The following NLRP12 variants were observed in gnomAD, a reference collection of about 807,000 sequenced individuals.
NLRP12 encodes the protein NACHT, LRR and PYD domains-containing protein 12.
NLRP12 carries 108 observed loss-of-function variants against 91.2 expected under a neutral mutation model. That is an observed-to-expected ratio of 1.18 (90% CI 1.01 to 1.39). The LOEUF is 1.39. NLRP12 is among the 40% of genes most tolerant of loss of function. The pLI is 0.00. For missense variants in NLRP12, 1,530 were observed against 1,352.7 expected, an observed-to-expected ratio of 1.13 and a Z score of -2.06; for synonymous variants, 613 against 566.7, an observed-to-expected ratio of 1.08 and a Z score of -1.16.
At chr19:53,820,472 C>G (rs1324373442) in intron 1 of NLRP12, among the ~76,000 whole-genome samples, 3 of 151,440 alleles carry the variant, frequency 2.0e-5, no homozygotes, top group Non-Finnish European at 4.4e-5. Flanking sequence ...GGAGCTTGCA[C>G]TGAGCCAAGA....
In NLRP12 at chr19:53,824,035, C is replaced by A; in HGVS notation, c.140G>T (p.Ser47Ile). Reference sequence around the variant, plus strand: ...TTCCAGGGGACCGGCCTTCTCCATGCTTCCCCAGGGGATCTTGCCTTCTCC... The same window carrying A: ...TTCCAGGGGACCGGCCTTCTCCATGATTCCCCAGGGGATCTTGCCTTCTCC... ...ELGEGKIPWGSMEKAGPLEMA... is the reference protein window; with the variant it reads ...ELGEGKIPWGIMEKAGPLEMA... The change falls in exon 1 of 10, where the codon AGC becomes ATC. Residue 47 changes from serine (S) to isoleucine (I), a missense_variant. By Grantham distance (142) the Ser-to-Ile change is moderately radical. Coordinates refer to ENST00000324134, the MANE Select transcript of NLRP12 (RefSeq NM_144687.4). The A allele has an allele frequency of 6.2e-7, 1 of 1,614,200 alleles. No homozygotes were observed. The highest frequency in any genetic ancestry group is 8.5e-7 in the Non-Finnish European group (1 of 1,180,036).
intron 4 of NLRP12, chr19:53,805,665 G>A (rs1242670970): frequency 8.3e-6 from 5 of 605,206 alleles, no homozygotes; most frequent in African/African-American, 1.8e-5. Flanking sequence ...TTACAGACGT[G>A]TGCCACCATG....
intron 4 of NLRP12, among the ~76,000 whole-genome samples, chr19:53,805,997 G>T (rs180689199): frequency 1.8e-4 from 28 of 152,010 alleles, no homozygotes; most frequent in Non-Finnish European, 3.1e-4. Flanking sequence ...ACTTTGGGAG[G>T]CCGAGGTGGG....
intron 1 of NLRP12, among the ~76,000 whole-genome samples, chr19:53,822,099 G>A (rs62143205): frequency 0.078 from 11,897 of 152,116 alleles, 597 homozygotes; most frequent in South Asian, 0.15. Context: ...CTGGGGACTC[G>A]TGGCGGGGAG....
At chr19:53,816,238 C>T (rs753388000) in intron 1 of NLRP12, among the ~76,000 whole-genome samples, 2 of 152,056 alleles carry the variant, frequency 1.3e-5, no homozygotes, top group East Asian at 1.9e-4. Context: ...GCTGAGCCAG[C>T]GGCACCCCAT....
At chr19:53,815,863 G>A (rs1176449190) in intron 1 of NLRP12, among the ~76,000 whole-genome samples, 2 of 151,986 alleles carry the variant, frequency 1.3e-5, no homozygotes, top group African/African-American at 2.4e-5. Flanking sequence ...ACCCAACTCG[G>A]CCTCCCAAAG....
intron 9 of NLRP12, among the ~76,000 whole-genome samples, chr19:53,795,011 C>G (rs1045313046): frequency 3.3e-5 from 5 of 151,878 alleles, no homozygotes; most frequent in Non-Finnish European, 5.9e-5. Context: ...AATCATGGTT[C>G]ACTGCAGCCT....
chr19:53,817,248 G>A (rs892589250), intron 1 of NLRP12, among the ~76,000 whole-genome samples: 1 of 152,038 alleles, frequency 6.6e-6, no homozygotes, highest in Non-Finnish European at 1.5e-5. Context: ...TTACCAACGT[G>A]GTGAAACCTT....
intron 6 of NLRP12, among the ~76,000 whole-genome samples, chr19:53,802,697 ACT>A (rs1039217791): frequency 6.6e-4 from 99 of 149,266 alleles, no homozygotes; most frequent in African/African-American, 2.2e-3. Flanking sequence ...ACAGAGCAAG[ACT>A]CTGTCTCAAA....
At chr19:53,821,504 TA>T (rs2092264681) in intron 1 of NLRP12, among the ~76,000 whole-genome samples, 1 of 151,904 alleles carries the variant, frequency 6.6e-6, no homozygotes, top group Admixed American at 6.6e-5. Context: ...CCGTCTCTAT[TA>T]AAAATACAAA....
At chr19:53,823,423 T>TATCTTTTAA (rs1555799937) in intron 1 of NLRP12, among the ~76,000 whole-genome samples, 1 of 109,912 alleles carries the variant, frequency 9.1e-6, no homozygotes, top group Admixed American at 1.2e-4. Flanking sequence ...ATGTTTTAAA[T>TATCTTTTAA]ATATATATTT....
chr19:53,809,255 G>A (rs1307001304), intron 3 of NLRP12, among the ~76,000 whole-genome samples: 2 of 150,396 alleles, frequency 1.3e-5, no homozygotes, highest in East Asian at 2.0e-4. Flanking sequence ...ATCGTGGGCC[G>A]GGTGCAGTGG....
chr19:53,821,963 G>A (rs187667966), intron 1 of NLRP12, among the ~76,000 whole-genome samples: 5 of 152,224 alleles, frequency 3.3e-5, no homozygotes, highest in Middle Eastern at 3.4e-3. Context: ...TAACATGGAC[G>A]CAGCTGGAGG....
rs761848386 is a variant in NLRP12, at chr19:53,801,530, G to A, written c.2586-133C>T. On this transcript the variant is annotated intron_variant, in intron 6 of 9. Transcript: ENST00000324134. ...GCAGTGGTGCAATCTCGGCTCAGCT[G>A]CATCCTCCACCTCCCATGTTCAAGC... is the stretch of plus-strand genomic sequence containing the variant. 6 of 1,234,060 alleles carry A rather than the reference G, an allele frequency of 4.9e-6. No individual in the cohort carries two copies. In the Admixed American group the frequency reaches 7.5e-5, roughly 15 times the overall value. 76.4% of individuals were successfully genotyped at this position (1,234,060 alleles called of 1,614,324 possible).
chr19:53,817,940 G>A (rs1464239988), intron 1 of NLRP12, among the ~76,000 whole-genome samples: 1 of 150,942 alleles, frequency 6.6e-6, no homozygotes, highest in Non-Finnish European at 1.5e-5. Flanking sequence ...GTACAACCAC[G>A]ACCAGCTAAT....
rs146286014 is a variant in NLRP12 at position 53,809,778 on chromosome 19, C to T, written c.1881G>A (p.Gln627=). Reference sequence around the variant, plus strand: ...TCACCTGGAAGTGGCTCAGGGCCTGCTGGATAAACTCCTCCTCCTGGATCT... The same window carrying T: ...TCACCTGGAAGTGGCTCAGGGCCTGTTGGATAAACTCCTCCTCCTGGATCT... ...LYEIQEEEFI[Q]QALSHFQVIV... is the part of the protein sequence containing the mutation. The change falls in exon 3 of 10, where the codon CAG becomes CAA. Residue 627 remains glutamine, a synonymous_variant. Coordinates refer to ENST00000324134, the MANE Select transcript of NLRP12 (RefSeq NM_144687.4). 56 of 1,614,126 alleles carry T rather than the reference C, an allele frequency of 3.5e-5. No individual in the cohort carries two copies. In the African/African-American group the frequency reaches 5.3e-4, roughly 15 times the overall value.
chr19:53,803,573 C>T (rs1036240809), intron 6 of NLRP12, among the ~76,000 whole-genome samples: 11 of 152,166 alleles, frequency 7.2e-5, no homozygotes, highest in African/African-American at 2.6e-4. Flanking sequence ...TTGGCAGCCA[C>T]TATTCTACTT....
At chr19:53,799,309 C>T (rs928336878) in intron 7 of NLRP12, among the ~76,000 whole-genome samples, 99 of 152,050 alleles carry the variant, frequency 6.5e-4, no homozygotes, top group African/African-American at 2.3e-3. Context: ...CGCGCCCAGC[C>T]GCGTGTGTGA....
intron 9 of NLRP12, among the ~76,000 whole-genome samples, chr19:53,794,956 CT>C (rs1028902622): frequency 1.3e-5 from 2 of 151,826 alleles, no homozygotes; most frequent in Non-Finnish European, 2.9e-5. Context: ...CTGCCTTGGC[CT>C]TTTTTTTCTT....
Sources: allele counts gnomAD v4.1 joint callset (sites outside exome capture counted in the v4.1 genomes callset), GRCh38; gene constraint gnomAD v4.1.1; transcripts MANE v1.5; gene names NCBI Gene and HGNC (gene_info 2026-07-23, HGNC 2026-07-21).